Variants in SDK2 observed in about 807,000 individuals in gnomAD.
The protein encoded by SDK2 is sidekick cell adhesion molecule 2, also known as protein sidekick-2.
Under a neutral mutation model 253.9 loss-of-function variants are expected in SDK2, and 105 were observed. The ratio of observed to expected loss-of-function variants is 0.41; its 90% CI spans 0.35 to 0.49. SDK2 has a LOEUF of 0.49. SDK2 is among the 20% of genes least tolerant of loss of function. The pLI, the probability that SDK2 is intolerant of heterozygous loss-of-function variation, is 0.06. For synonymous variants in SDK2, 1,249 were observed against 1,234.9 expected (o/e 1.01, Z -0.24); for missense variants, 2,608 against 3,003.0 (o/e 0.87, Z 3.07).
At chr17:73,437,656 G>T in intron 8 of SDK2, 83 bp downstream of exon 8, 2 of 1,209,556 alleles carry the variant, frequency 1.7e-6, no homozygotes. Flanking sequence ...GAAGAAGCTG[G>T]AATTTAGAAA....
rs559168726 is a variant in SDK2, at chr17:73,472,127, C to T, written c.316G>A (p.Glu106Lys). The change falls in exon 3 of 45, where the codon GAG becomes AAG. Residue 106 changes from glutamate to lysine, a missense_variant. Glu to Lys is a moderately conservative substitution (Grantham distance 56). This residue lies in a region of SDK2 where 1,505 missense variants were observed against 1,859.1 expected (regional missense o/e 0.81). Coordinates refer to ENST00000392650, the MANE Select transcript of SDK2 (RefSeq NM_001144952.2). ...RMGALLQRQT[E>K]VQVAYMGSFE... is the part of the protein sequence containing the mutation. The stretch of plus-strand genomic sequence containing the variant: ...TTGTACTCACAGGCCACCTGGACCT[C>T]GGTTTGCCGCTGCAGCAGGGCCCCC... 4.3e-5 allele frequency: 66 copies of T among 1,551,480 alleles called. No homozygotes were observed. Among genetic ancestry groups the T allele is most frequent in the African/African-American group, 2.5e-4 (18 of 73,176 alleles).
Position 73,379,637 on chromosome 17 carries a change from G to A in SDK2, c.4763-88C>T. On this transcript the variant is annotated intron_variant, in intron 34 of 44. Transcript: ENST00000392650. This position sits in a 1 kb window ranked among gnomAD's most constrained non-coding sequence, Gnocchi z 4.5. ...CCCAGGGAGGGTGGAGGCTGCAGGG[G>A]GAGGAATGAGGCACCCCCGCCATTC... The A allele has an allele frequency of 5.4e-6, 4 of 744,704 alleles. No homozygotes were observed. The highest frequency in any genetic ancestry group is 3.5e-5 in the South Asian group (2 of 57,014). The allele number at this position is 744,704 out of a possible 1,614,324, so 46.1% of individuals were successfully genotyped here. A position where few individuals can be genotyped will look rare whatever the true frequency, so the allele number is the denominator to read the frequency against.
chr17:73,497,678 G>A (rs536360767), intron 2 of SDK2, among the ~76,000 whole-genome samples: 9 of 150,330 alleles, frequency 6.0e-5, no homozygotes, highest in Admixed American at 2.7e-4. Flanking sequence ...TGGCCCAGCC[G>A]CCCCTCGCAG....
chr17:73,348,449 G>A (rs111569409), intron 44 of SDK2, 150 bp downstream of exon 44: 44,655 of 916,160 alleles, frequency 0.049, 1,515 homozygotes, highest in South Asian at 0.09. Context: ...GGGACAGATG[G>A]CCCATATATG....
At chr17:73,425,199 G>A (rs562793610) in intron 12 of SDK2, among the ~76,000 whole-genome samples, 24 of 151,990 alleles carry the variant, frequency 1.6e-4, no homozygotes, top group Middle Eastern at 3.4e-3. Flanking sequence ...CAGCCTGGGC[G>A]ACACAGCAAA....
At chr17:73,548,026 AG>A (rs2044993415) in intron 1 of SDK2, among the ~76,000 whole-genome samples, 1 of 152,168 alleles carries the variant, frequency 6.6e-6, no homozygotes, top group African/African-American at 2.4e-5. Flanking sequence ...TTAAATCTTC[AG>A]ATCTTGTGAG....
intron 13 of SDK2, 131 bp from the exon 14 acceptor site, chr17:73,423,653 G>C (rs762298929): frequency 6.2e-6 from 7 of 1,123,514 alleles, no homozygotes; most frequent in Non-Finnish European, 7.2e-6. Context: ...TGTGGCCTTC[G>C]GGCCATCTAC....
rs534869778 is a variant in SDK2 at position 73,423,537 on chromosome 17, C to G, written c.1761-15G>C. 4 of 1,533,786 alleles carry G rather than the reference C, an allele frequency of 2.6e-6. No homozygotes were observed. In the South Asian group the frequency reaches 5.2e-5, roughly 20 times the overall value. ...GGGGCAGTTGCCTGGAAAAGAGACA[C>G]GTGGTCAGGCATCCCTATGTGGTCT... On this transcript the variant is annotated splice_polypyrimidine_tract_variant and intron_variant, in intron 13 of 44. Transcript: ENST00000392650.
In SDK2 at chr17:73,559,298, G is replaced by T. The variant is rs181269718; in HGVS notation, c.65-51701C>A. Among the ~76,000 whole-genome samples the T allele has an allele frequency of 2.9e-3, 446 of 152,284 alleles. 2 individuals are homozygous for T. The highest frequency in any genetic ancestry group is 9.8e-3 in the African/African-American group (407 of 41,538). ...CTCTGAGCCTTGGGTTTCCTCGCTGGTAAAGTAGAGATGGTGGCGATACAT... is the reference window on the plus strand; with the variant it reads ...CTCTGAGCCTTGGGTTTCCTCGCTGTTAAAGTAGAGATGGTGGCGATACAT... On this transcript the variant is annotated intron_variant, in intron 1 of 44. Coordinates refer to ENST00000392650, the MANE Select transcript of SDK2 (RefSeq NM_001144952.2).
Position 73,447,471 on chromosome 17 carries a change from T to C in SDK2, c.613+144A>G. 1 of 1,211,464 alleles carries C rather than the reference T, an allele frequency of 8.3e-7. No individual in the cohort carries two copies. The allele number at this position is 1,211,464 out of a possible 1,614,324, so 75.0% of individuals were successfully genotyped here. ...CCCCTGGCTCTGCTGTGTCTCGTCC[T>C]CCTTGGGAAGGCTCCCCCCGGCCGT... On this transcript the variant is annotated intron_variant, in intron 5 of 44. Transcript: ENST00000392650. The surrounding 1 kb of genome is among the most constrained non-coding windows in gnomAD (Gnocchi z 4.0).
At chr17:73,558,440 G>A (rs1405658534) in intron 1 of SDK2, among the ~76,000 whole-genome samples, 1 of 150,088 alleles carries the variant, frequency 6.7e-6, no homozygotes, top group Non-Finnish European at 1.5e-5. Flanking sequence ...GAGGAAGGGA[G>A]GGAGGGGAGA....
At chr17:73,558,234 C>T (rs1161195617) in intron 1 of SDK2, among the ~76,000 whole-genome samples, 1 of 152,246 alleles carries the variant, frequency 6.6e-6, no homozygotes, top group African/African-American at 2.4e-5. Flanking sequence ...CCTCACTGAG[C>T]ACATGTCAGA....
chr17:73,527,748 G>T (rs565337883), intron 1 of SDK2, among the ~76,000 whole-genome samples: 9 of 152,206 alleles, frequency 5.9e-5, no homozygotes, highest in Non-Finnish European at 1.2e-4. Context: ...GGCTGCTGCT[G>T]TAAGACTCCA....
intron 3 of SDK2, among the ~76,000 whole-genome samples, chr17:73,470,985 G>C (rs1487338061): frequency 6.6e-6 from 1 of 152,218 alleles, no homozygotes; most frequent in Non-Finnish European, 1.5e-5. Context: ...CTTAGGGGAA[G>C]AGTGTCGGTT....
At chr17:73,607,360 G>A (rs1289030651) in intron 1 of SDK2, among the ~76,000 whole-genome samples, 2 of 151,600 alleles carry the variant, frequency 1.3e-5, no homozygotes, top group Non-Finnish European at 2.9e-5. Context: ...AGCAGGGAGA[G>A]GCCCACACGC....
chr17:73,523,777 C>T (rs2064103137), intron 1 of SDK2, among the ~76,000 whole-genome samples: 1 of 151,094 alleles, frequency 6.6e-6, no homozygotes, highest in Non-Finnish European at 1.5e-5. Flanking sequence ...ACCTGCACCC[C>T]CCAAATAACA....
chr17:73,520,201 G>C (rs72845720), intron 1 of SDK2: 42,265 of 152,224 alleles, frequency 0.28, 6,007 homozygotes, highest in East Asian at 0.34. Context: ...CCCATCTGGG[G>C]CTGCACCCAA....
rs146229407 is a variant in SDK2, at chr17:73,395,078, G to C, written c.3592+77C>G. 35 of 1,134,268 alleles carry C rather than the reference G, an allele frequency of 3.1e-5. No individual in the cohort carries two copies. The highest frequency in any genetic ancestry group is 4.2e-5 in the Non-Finnish European group (33 of 795,088). 70.3% of individuals were successfully genotyped at this position (1,134,268 alleles called of 1,614,324 possible). Reference sequence around the variant, plus strand: ...TTGAACAACACCTTCAGCCTGGCACGCGCTTGGATGACCCTGAGGGCATAG... The same window carrying C: ...TTGAACAACACCTTCAGCCTGGCACCCGCTTGGATGACCCTGAGGGCATAG... On this transcript the variant is annotated intron_variant, in intron 25 of 44. Transcript: ENST00000392650. This position sits in a 1 kb window ranked among gnomAD's most constrained non-coding sequence, Gnocchi z 4.3.
intron 1 of SDK2, among the ~76,000 whole-genome samples, chr17:73,597,589 A>G (rs1473471782): frequency 6.6e-6 from 1 of 151,860 alleles, no homozygotes; most frequent in Non-Finnish European, 1.5e-5. Flanking sequence ...GCCCACCGCT[A>G]TCCTTATAAA....
Sources: gnomAD v4.1 joint callset for allele counts (sites outside exome capture counted in the v4.1 genomes callset) on GRCh38, gnomAD v4.1.1 for gene constraint, gnomAD v4.1.1 regional missense constraint, Gnocchi (gnomAD v3.1) non-coding constraint, MANE v1.5 for transcripts, NCBI Gene and HGNC (gene_info 2026-07-23, HGNC 2026-07-21) for gene names.